The following TIAM1 variants were observed in gnomAD, a reference collection of about 807,000 sequenced individuals.
TIAM1 encodes TIAM Rac1 associated GEF 1.
In TIAM1, 65 loss-of-function variants were observed where a neutral mutation model predicts 163.5. The ratio of observed to expected loss-of-function variants is 0.40; its 90% confidence interval spans 0.33 to 0.49. The LOEUF is 0.49. Among genes scored for constraint, TIAM1 ranks in the 20% least tolerant of loss-of-function variants. The pLI is 0.77. For missense variants in TIAM1, 1,789 were observed against 2,044.7 expected, an observed-to-expected ratio of 0.87 and a Z score of 2.41; for synonymous variants, 833 against 810.1, an observed-to-expected ratio of 1.03 and a Z score of -0.48.
intron 2 of TIAM1, among the ~76,000 whole-genome samples, chr21:31,349,487 C>T (rs1283288570): frequency 6.6e-6 from 1 of 152,186 alleles, no homozygotes; most frequent in African/African-American, 2.4e-5. Context: ...TGCATGTGTT[C>T]ACGGGGGGTA....
intron 2 of TIAM1, among the ~76,000 whole-genome samples, chr21:31,298,433 A>ATCTTAAT (rs1450266932): frequency 2.0e-5 from 3 of 152,186 alleles, no homozygotes; most frequent in Admixed American, 2.0e-4. Flanking sequence ...GCGGGAAATA[A>ATCTTAAT]TCTTAATGAA....
chr21:31,484,981 A>G (rs536787064), intron 1 of TIAM1, among the ~76,000 whole-genome samples: 1 of 152,220 alleles, frequency 6.6e-6, no homozygotes, highest in Non-Finnish European at 1.5e-5. Flanking sequence ...ACAGTCTTCT[A>G]CGAACCAGGA....
At chr21:31,232,159 TAAAATAAA>T (rs997455881) in intron 6 of TIAM1, among the ~76,000 whole-genome samples, 15 of 150,834 alleles carry the variant, frequency 9.9e-5, no homozygotes, top group African/African-American at 3.7e-4. Context: ...AAAATAATTA[TAAAATAAA>T]AAAAGCATAA....
At position 31,181,753 on chromosome 21, in the gene TIAM1, CTTCTTTTTTTTTTTTTTTTTTTT is replaced by C. The variant is rs1568980515; in HGVS notation, c.2887+645_2887+667del. ...ATTCCCAGCACTTCTTCTTCTTCTT[CTTCTTTTTTTTTTTTTTTTTTTT>C]TTTTTTTTTTTTTTTTTTTTTTTTT... On this transcript the variant is annotated intron_variant, in intron 15 of 27. Coordinates refer to ENST00000541036, the MANE Select transcript of TIAM1 (RefSeq NM_001353694.2). Among the ~76,000 whole-genome samples, 389 of 39,486 alleles carry C rather than the reference CTTCTTTTTTTTTTTTTTTTTTTT, an allele frequency of 9.9e-3. 31 individuals carry two copies. Among genetic ancestry groups the C allele is most frequent in the African/African-American group, 0.028 (372 of 13,136 alleles). 25.9% of individuals were successfully genotyped at this position (39,486 alleles called of 152,430 possible).
chr21:31,236,108 T>C (rs914755950), intron 6 of TIAM1, among the ~76,000 whole-genome samples: 3 of 152,220 alleles, frequency 2.0e-5, no homozygotes, highest in South Asian at 4.1e-4. Flanking sequence ...AGCTATTCAG[T>C]GTCAAAAAGA....
intron 2 of TIAM1, among the ~76,000 whole-genome samples, chr21:31,428,581 C>T (rs568404118): frequency 1.3e-5 from 2 of 152,202 alleles, no homozygotes; most frequent in Admixed American, 1.3e-4. Flanking sequence ...CAAATGGAAA[C>T]CTCAAGATGT....
intron 22 of TIAM1, among the ~76,000 whole-genome samples, chr21:31,140,520 G>C (rs2082800727): frequency 6.6e-6 from 1 of 152,170 alleles, no homozygotes. Flanking sequence ...TCAGATCAGA[G>C]CAATTAACTT....
chr21:31,359,836 GGAAGGAAGGAAGGA>G (rs2076376954), intron 2 of TIAM1, among the ~76,000 whole-genome samples: 8 of 136,482 alleles, frequency 5.9e-5, no homozygotes. Context: ...AAGGAAGGAA[GGAAGGAAGGAAGGA>G]AGGAAGGAAG....
intron 15 of TIAM1, among the ~76,000 whole-genome samples, chr21:31,179,573 G>T (rs545348804): frequency 6.7e-6 from 1 of 149,778 alleles, no homozygotes; most frequent in African/African-American, 2.5e-5. Flanking sequence ...TTCCAAAGAT[G>T]ATCCCAAAAT....
In TIAM1 at chr21:31,380,098, A is replaced by G. The variant is rs747070837; in HGVS notation, c.-368-40676T>C. Among the ~76,000 whole-genome samples the G allele has an allele frequency of 3.2e-4, 49 of 152,082 alleles. 1 individual carries two copies. Among genetic ancestry groups the G allele is most frequent in the Admixed American group, 1.4e-3 (21 of 15,272 alleles). On this transcript the variant is annotated intron_variant, in intron 2 of 28. Transcript: ENST00000286827. ...ACCAACATGGTGAAACCCTGTCTCTACTAAAAATACAAAAAATTGGCCAGG... is the reference window on the plus strand; with the variant it reads ...ACCAACATGGTGAAACCCTGTCTCTGCTAAAAATACAAAAAATTGGCCAGG...
At chr21:31,187,162 T>A in intron 13 of TIAM1, 75 bp from the exon 14 acceptor site, 2 of 1,325,228 alleles carry the variant, frequency 1.5e-6, no homozygotes, top group South Asian at 2.4e-5. Context: ...AAGTGCCTGC[T>A]GTGAACTAGG....
chr21:31,308,846 T>C (rs953473422), intron 2 of TIAM1, among the ~76,000 whole-genome samples: 28 of 152,170 alleles, frequency 1.8e-4, no homozygotes, highest in African/African-American at 6.0e-4. Flanking sequence ...GTACAGCCTA[T>C]TGATTCTCAA....
intron 2 of TIAM1, among the ~76,000 whole-genome samples, chr21:31,354,692 G>C (rs897257108): frequency 2.4e-4 from 36 of 152,156 alleles, no homozygotes; most frequent in Admixed American, 2.1e-3. Flanking sequence ...CACAGTTCCT[G>C]GCACAGGCAC....
intron 2 of TIAM1, among the ~76,000 whole-genome samples, chr21:31,370,178 T>C (rs1029938321): frequency 1.3e-5 from 2 of 152,102 alleles, no homozygotes; most frequent in African/African-American, 2.4e-5. Context: ...CAGATTAGGG[T>C]GCTTTGTTAT....
chr21:31,296,240 A>G (rs1219244105), intron 2 of TIAM1, among the ~76,000 whole-genome samples: 4 of 152,224 alleles, frequency 2.6e-5, no homozygotes, highest in Admixed American at 1.3e-4. Flanking sequence ...AATAAGGAGT[A>G]TTTGGATATA....
intron 1 of TIAM1, among the ~76,000 whole-genome samples, chr21:31,470,334 C>T (rs988325486): frequency 6.8e-6 from 1 of 148,146 alleles, no homozygotes; most frequent in Non-Finnish European, 1.5e-5. Context: ...TATTTATTTA[C>T]TTATTTATAT....
chr21:31,336,590 C>T (rs947999328), intron 2 of TIAM1, among the ~76,000 whole-genome samples: 11 of 151,452 alleles, frequency 7.3e-5, no homozygotes, highest in Non-Finnish European at 8.8e-5. Flanking sequence ...ACAGCTCTGA[C>T]CGGGTTTTAA....
At chr21:31,222,985 T>G (rs182031954) in intron 8 of TIAM1, among the ~76,000 whole-genome samples, 27 of 151,974 alleles carry the variant, frequency 1.8e-4, no homozygotes, top group African/African-American at 6.5e-4. Flanking sequence ...CCCAAAGTGC[T>G]GGGATTACAG....
chr21:31,121,536 T>C (rs999845986), intron 27 of TIAM1, among the ~76,000 whole-genome samples: 3 of 152,178 alleles, frequency 2.0e-5, no homozygotes, highest in South Asian at 4.1e-4. Flanking sequence ...CCTGTCTTCT[T>C]TCTGACAAAG....
Sources: gnomAD v4.1 joint callset for allele counts (sites outside exome capture counted in the v4.1 genomes callset) on GRCh38, gnomAD v4.1.1 for gene constraint, MANE v1.5 for transcripts, NCBI Gene and HGNC (gene_info 2026-07-23, HGNC 2026-07-21) for gene names.